Variants in WDR62 observed in about 807,000 individuals in gnomAD.
WDR62 encodes WD repeat domain 62.
WDR62 carries 112 observed loss-of-function variants against 160.6 expected under a neutral mutation model. The observed-to-expected ratio is 0.70, with a 90% CI of 0.60 to 0.82. The LOEUF (loss-of-function observed/expected upper bound fraction) is 0.82. Ranked by LOEUF, WDR62 falls within the 40% of genes least tolerant of loss-of-function variation. WDR62 has a pLI of 0.00. For synonymous variants in WDR62, 792 were observed against 815.1 expected (o/e 0.97, Z 0.48); for missense variants, 1,819 against 1,983.8 (o/e 0.92, Z 1.58).
chr19:36,090,700 T>A (rs1972543434), intron 16 of WDR62, among the ~76,000 whole-genome samples, 180 bp downstream of exon 16: 1 of 152,156 alleles, frequency 6.6e-6, no homozygotes, highest in African/African-American at 2.4e-5. Context: ...CAGCTGTGTT[T>A]CCTTTATTTA....
intron 9 of WDR62, chr19:36,073,853 A>AGG: frequency 2.4e-6 from 1 of 412,340 alleles, no homozygotes; most frequent in South Asian, 1.8e-5. Context: ...GGCCTCCCTG[A>AGG]GGACATATGA....
At chr19:36,101,866 C>T in intron 25 of WDR62, 92 bp downstream of exon 25, 1 of 1,510,298 alleles carries the variant, frequency 6.6e-7, no homozygotes, top group South Asian at 1.2e-5. Flanking sequence ...CACTTGGAGC[C>T]CACTGAGCCT....
In WDR62 at chr19:36,054,957, G is replaced by A. The variant is rs750748514; in HGVS notation, c.-15G>A. 3 of 1,580,168 alleles carry A rather than the reference G, an allele frequency of 1.9e-6. No individual in the cohort carries two copies. The highest frequency in any genetic ancestry group is 2.6e-6 in the Non-Finnish European group (3 of 1,164,438). ...CGGTTAGGGGATGTAACGGTCGCCCGCCTCCGGCGTGACGATGGCGGCCGT... is the reference window on the plus strand; with the variant it reads ...CGGTTAGGGGATGTAACGGTCGCCCACCTCCGGCGTGACGATGGCGGCCGT... On this transcript the variant is annotated 5_prime_UTR_variant, in exon 1 of 32. Coordinates refer to ENST00000401500, the MANE Select transcript of WDR62 (RefSeq NM_001083961.2).
intron 11 of WDR62, among the ~76,000 whole-genome samples, chr19:36,083,981 C>T (rs1199404029): frequency 5.3e-5 from 8 of 152,154 alleles, no homozygotes; most frequent in African/African-American, 1.4e-4. Flanking sequence ...CTCAGTGTGT[C>T]AGTGAGCTGC....
chr19:36,073,558 C>G, intron 9 of WDR62, 27 bp downstream of exon 9: 5 of 1,524,646 alleles, frequency 3.3e-6, no homozygotes, highest in African/African-American at 1.4e-5. Flanking sequence ...CCCCCTTGCC[C>G]CTGCTTGGCC....
chr19:36,064,410 G>A (rs1035461405), intron 3 of WDR62, among the ~76,000 whole-genome samples: 53 of 151,714 alleles, frequency 3.5e-4, no homozygotes, highest in African/African-American at 1.0e-3. Flanking sequence ...CAAGTAGCTG[G>A]GACTACAGGC....
chr19:36,083,554 A>G (rs1038998567), intron 11 of WDR62, among the ~76,000 whole-genome samples: 1 of 152,182 alleles, frequency 6.6e-6, no homozygotes, highest in African/African-American at 2.4e-5. Context: ...CCAGTGCTGA[A>G]CTGTCACCGA....
chr19:36,099,363 C>T (rs1973178946), intron 21 of WDR62, 36 bp from the exon 22 acceptor site: 1 of 1,590,766 alleles, frequency 6.3e-7, no homozygotes, highest in African/African-American at 1.3e-5. Flanking sequence ...TGAGTGAGCA[C>T]TCAGCCAGTT....
In WDR62 at chr19:36,100,857, C is replaced by G; in HGVS notation, c.2849C>G (p.Thr950Arg). The stretch of plus-strand genomic sequence containing the variant: ...CTCTACTCTCTGGAGGCAGAAGTGA[C>G]AGTCACAGGGACAGACAGGTGGGTG... ...LILYSLEAEV[T>R]VTGTDSQYCR... The change falls in exon 23 of 32, where the codon ACA becomes AGA. Residue 950 changes from threonine to arginine, a missense_variant. By Grantham distance (71) the Thr-to-Arg change is moderately conservative (BLOSUM62 -1). Coordinates refer to ENST00000401500, the MANE Select transcript of WDR62 (RefSeq NM_001083961.2). The G allele has an allele frequency of 6.2e-7, 1 of 1,614,248 alleles. No homozygotes were observed. Among genetic ancestry groups the G allele is most frequent in the South Asian group, 1.1e-5 (1 of 91,086 alleles).
chr19:36,067,970 T>G lies in WDR62; in HGVS notation c.842T>G (p.Phe281Cys). 6.2e-7 allele frequency: 1 copy of G among 1,614,144 alleles called. No homozygotes were observed. Among genetic ancestry groups the G allele is most frequent in the Non-Finnish European group, 8.5e-7 (1 of 1,180,020 alleles). Residue 281 changes from phenylalanine to cysteine, a missense_variant, in exon 7 of 32, where the codon TTC becomes TGC. By Grantham distance (205) the Phe-to-Cys change is radical. Coordinates refer to ENST00000401500, the MANE Select transcript of WDR62 (RefSeq NM_001083961.2). ...TCCTACTCGGGCCTCCTCTGCCAGT[T>G]CAATGAGAAGAGGGTGCTGGAGAAG... ...CVSYSGLLCQFNEKRVLEKWI... is the reference protein window; with the variant it reads ...CVSYSGLLCQCNEKRVLEKWI...
Position 36,055,079 on chromosome 19 carries a change from C to G in WDR62, c.108C>G (p.Pro36=), listed in dbSNP as rs1036006681. 1 of 1,600,556 alleles carries G rather than the reference C, an allele frequency of 6.2e-7. No individual in the cohort carries two copies. The highest frequency in any genetic ancestry group is 8.5e-7 in the Non-Finnish European group (1 of 1,175,062). ...PARRGQSSPP[P]APPICLRRRT... ...GGAGGGGCCAGTCCTCCCCGCCCCC[C>G]GCCCCACCAATCTGCCTACGGCGGC... The change falls in exon 1 of 32, where the codon CCC becomes CCG. Residue 36 remains proline (P), a synonymous_variant. Transcript: ENST00000401500.
At chr19:36,078,279 C>G (rs1971695497) in intron 9 of WDR62, among the ~76,000 whole-genome samples, 1 of 151,704 alleles carries the variant, frequency 6.6e-6, no homozygotes, top group Non-Finnish European at 1.5e-5. Context: ...TCCTGAGTAG[C>G]TGGGATTACA....
intron 2 of WDR62, 152 bp from the exon 3 acceptor site, chr19:36,059,816 C>T (rs570808284): frequency 2.5e-6 from 2 of 788,246 alleles, no homozygotes; most frequent in South Asian, 1.4e-5. Context: ...CCCTAGAATT[C>T]TCAGCGTAAA....
chr19:36,076,863 A>G (rs1971597789), intron 9 of WDR62, among the ~76,000 whole-genome samples: 1 of 152,148 alleles, frequency 6.6e-6, no homozygotes, highest in Non-Finnish European at 1.5e-5. Flanking sequence ...TAGTTATACT[A>G]TATTTACAGG....
chr19:36,059,246 G>T (rs996188027), intron 2 of WDR62, among the ~76,000 whole-genome samples: 2 of 152,092 alleles, frequency 1.3e-5, no homozygotes, highest in African/African-American at 2.4e-5. Flanking sequence ...GACCCCCTCT[G>T]CTTGCATAGT....
Position 36,081,573 on chromosome 19 carries a change from G to T in WDR62, c.1371+3G>T, listed in dbSNP as rs373721031. ...GGCAGAAAAACATCTTCAGCAATGT[G>T]AGTGGCTTCCTTTGTGAACCATCTT... On this transcript the variant is annotated splice_donor_region_variant and intron_variant, in intron 10 of 31. Transcript: ENST00000401500. 1 of 1,614,072 alleles carries T rather than the reference G, an allele frequency of 6.2e-7. No individual in the cohort carries two copies. The highest frequency in any genetic ancestry group is 1.3e-5 in the African/African-American group (1 of 74,936).
chr19:36,109,460 G>A (rs116990101), downstream of WDR62, among the ~76,000 whole-genome samples: 269 of 152,314 alleles, frequency 1.8e-3, 1 homozygote, highest in Non-Finnish European at 2.0e-3. Flanking sequence ...GTTGCCAGGC[G>A]CAATGGCTCA....
intron 20 of WDR62, among the ~76,000 whole-genome samples, chr19:36,096,533 G>A (rs1198232037): frequency 6.6e-6 from 1 of 151,572 alleles, no homozygotes; most frequent in Non-Finnish European, 1.5e-5. Flanking sequence ...GTGAAACCCC[G>A]TCTCTACTAA....
intron 8 of WDR62, 75 bp from the exon 9 acceptor site, chr19:36,073,267 C>T: frequency 6.9e-7 from 1 of 1,450,582 alleles, no homozygotes; most frequent in Non-Finnish European, 9.7e-7. Flanking sequence ...GGGGAGGCAT[C>T]TCCACTGTCA....
Sources: gnomAD v4.1 joint callset for allele counts (sites outside exome capture counted in the v4.1 genomes callset) on GRCh38, gnomAD v4.1.1 for gene constraint, MANE v1.5 for transcripts, NCBI Gene and HGNC (gene_info 2026-07-23, HGNC 2026-07-21) for gene names.